SGK2: variants seen among roughly 807,000 people sequenced by gnomAD.
The protein encoded by SGK2 is serum/glucocorticoid regulated kinase 2, also known as serine/threonine-protein kinase Sgk2.
Under a neutral mutation model 47.5 loss-of-function variants are expected in SGK2, and 36 were observed. The ratio of observed to expected loss-of-function variants is 0.76; its 90% CI spans 0.58 to 1.00. The LOEUF (loss-of-function observed/expected upper bound fraction) is 1.00, where lower values mean the gene tolerates loss of function less well. Among genes scored for constraint, SGK2 ranks in the 50% least tolerant of loss-of-function variants. The pLI is 0.00. For synonymous variants in SGK2, 157 were observed against 181.9 expected (o/e 0.86, Z 1.10); for missense variants, 404 against 467.4 (o/e 0.86, Z 1.25).
chr20:43,584,073 T>C (rs2145563352), intron 12 of SGK2, among the ~76,000 whole-genome samples: 1 of 152,218 alleles, frequency 6.6e-6, no homozygotes, highest in Non-Finnish European at 1.5e-5. Flanking sequence ...AGCGGGACAG[T>C]TGGCAGTTGT....
In SGK2 at chr20:43,567,987, A is replaced by G. The variant is rs747095651; in HGVS notation, c.216A>G (p.Leu72=). The G allele has an allele frequency of 1.9e-6, 3 of 1,613,854 alleles. No homozygotes were observed. In the East Asian group the frequency reaches 6.7e-5, roughly 36 times the overall value. ...AGGTACTACAGAAAAAGTCCATCTT[A>G]AAGAAGAAAGAGGTACCAGAGCTCG... ...AVKVLQKKSI[L]KKKEQSHIMA... The change falls in exon 5 of 13, where the codon TTA becomes TTG. Residue 72 remains leucine, a synonymous_variant. Coordinates refer to ENST00000373100, the MANE Select transcript of SGK2 (RefSeq NM_170693.3).
At chr20:43,571,994 C>T in intron 8 of SGK2, 57 bp from the exon 9 acceptor site, 1 of 1,298,992 alleles carries the variant, frequency 7.7e-7, no homozygotes, top group South Asian at 1.3e-5. Flanking sequence ...GGGGGTTAGG[C>T]CTGGCCATAC....
At chr20:43,583,118 A>G in intron 12 of SGK2, 1 of 1,198,602 alleles carries the variant, frequency 8.3e-7, no homozygotes. Flanking sequence ...TTAATTCACC[A>G]TTTACATTTC....
Position 43,566,539 on chromosome 20 carries a change from G to A in SGK2, c.36+8G>A. ...GGGACCCCAAGTCCACAGGTGAGTG[G>A]TTCTTGGTCCCCCACCCATCATCGG... On this transcript the variant is annotated splice_region_variant and intron_variant, in intron 2 of 12. Coordinates refer to ENST00000373100, the MANE Select transcript of SGK2 (RefSeq NM_170693.3). The A allele has an allele frequency of 1.9e-6, 3 of 1,599,100 alleles. No homozygotes were observed. Among genetic ancestry groups the A allele is most frequent in the Non-Finnish European group, 2.6e-6 (3 of 1,168,402 alleles).
chr20:43,571,814 G>A (rs1980150471), intron 8 of SGK2, among the ~76,000 whole-genome samples: 1 of 152,196 alleles, frequency 6.6e-6, no homozygotes, highest in Non-Finnish European at 1.5e-5. Context: ...CTGTCGTAGG[G>A]GTGGGTCTGA....
intron 1 of SGK2, 177 bp from the exon 2 acceptor site, chr20:43,566,296 T>C: frequency 6.3e-7 from 1 of 1,579,706 alleles, no homozygotes; most frequent in Non-Finnish European, 8.7e-7. Flanking sequence ...GTCCAGGGGA[T>C]ATCATTTCTT....
Position 43,566,547 on chromosome 20 carries a change from T to C in SGK2, c.36+16T>C, listed in dbSNP as rs777821746. 24 of 1,564,410 alleles carry C rather than the reference T, an allele frequency of 1.5e-5. No individual in the cohort carries two copies. The highest frequency in any genetic ancestry group is 2.1e-5 in the Non-Finnish European group (24 of 1,139,590). On this transcript the variant is annotated intron_variant, in intron 2 of 12. Coordinates refer to ENST00000373100, the MANE Select transcript of SGK2 (RefSeq NM_170693.3). ...AAGTCCACAGGTGAGTGGTTCTTGGTCCCCCACCCATCATCGGGGGCTCAC... is the reference window on the plus strand; with the variant it reads ...AAGTCCACAGGTGAGTGGTTCTTGGCCCCCCACCCATCATCGGGGGCTCAC...
chr20:43,567,529 G>T, intron 3 of SGK2, 136 bp from the exon 4 acceptor site: 1 of 752,448 alleles, frequency 1.3e-6, no homozygotes, highest in Middle Eastern at 2.5e-4. Flanking sequence ...GGTTCTTCGG[G>T]GGTGAGGAGG....
At chr20:43,568,097 G>A (rs1979853732) in intron 5 of SGK2, 98 bp downstream of exon 5, 1 of 947,568 alleles carries the variant, frequency 1.1e-6, no homozygotes, top group Admixed American at 1.9e-5. Flanking sequence ...AGGTCCATGG[G>A]CCTGGGTGCA....
intron 9 of SGK2, among the ~76,000 whole-genome samples, chr20:43,574,216 C>T (rs779036393): frequency 3.9e-5 from 6 of 152,174 alleles, no homozygotes; most frequent in African/African-American, 7.2e-5. Flanking sequence ...GCCCCCGACT[C>T]GGTGGCAGAG....
chr20:43,579,011 CT>C (rs10523244), intron 11 of SGK2, among the ~76,000 whole-genome samples: 1,911 of 141,644 alleles, frequency 0.013, 6 homozygotes, highest in African/African-American at 0.024. Flanking sequence ...CTTTCGGAGG[CT>C]TTTTTTTTTT....
chr20:43,585,296 T>C lies in SGK2; in HGVS notation c.*280T>C, dbSNP rs557154639. 1.4e-5 allele frequency: 3 copies of C among 219,844 alleles called. No homozygotes were observed. The highest frequency in any genetic ancestry group is 1.9e-4 in the East Asian group (2 of 10,310). The allele number at this position is 219,844 out of a possible 1,614,324, so 13.6% of individuals were successfully genotyped here. ...TGGAGCTCTAGCTGCCTATTTTGTGTTTAGGGAAGGGAAAATGGAGGAAAG... is the reference window on the plus strand; with the variant it reads ...TGGAGCTCTAGCTGCCTATTTTGTGCTTAGGGAAGGGAAAATGGAGGAAAG... On this transcript the variant is annotated 3_prime_UTR_variant, in exon 13 of 13. Coordinates refer to ENST00000373100, the MANE Select transcript of SGK2 (RefSeq NM_170693.3).
rs56303221 is a variant in SGK2, at chr20:43,576,361, G to A, written c.831G>A (p.Leu277=). 5.0e-6 allele frequency: 8 copies of A among 1,614,128 alleles called. No homozygotes were observed. The highest frequency in any genetic ancestry group is 1.3e-5 in the African/African-American group (1 of 75,064). ...SLLHKDQRQR[L]GSKADFLEIK... is the part of the protein sequence containing the mutation. ...TCCACAAGGACCAGAGGCAGCGGCT[G>A]GGCTCCAAAGCAGACTTTGTAGGTG... The change falls in exon 11 of 13, where the codon CTG becomes CTA. Residue 277 remains leucine, a synonymous_variant. Transcript: ENST00000373100.
chr20:43,574,997 A>G lies in SGK2; in HGVS notation c.686A>G (p.His229Arg). 6.2e-7 allele frequency: 1 copy of G among 1,612,596 alleles called. No individual in the cohort carries two copies. Among genetic ancestry groups the G allele is most frequent in the Non-Finnish European group, 8.5e-7 (1 of 1,178,796 alleles). ...GGGGCAGTCCTCTACGAGATGCTCC[A>G]TGGCCTGGTGAGTCAGGGGTAGCCA... Reference protein sequence around the residue: ...CLGAVLYEMLHGLPPFYSQDV... With the variant: ...CLGAVLYEMLRGLPPFYSQDV... Residue 229 changes from histidine (H) to arginine (R), a missense_variant, in exon 10 of 13, where the codon CAT (histidine) becomes CGT (arginine). Coordinates refer to ENST00000373100, the MANE Select transcript of SGK2 (RefSeq NM_170693.3).
At chr20:43,559,518 G>C (rs189246484) in intron 1 of SGK2, among the ~76,000 whole-genome samples, 32 of 152,252 alleles carry the variant, frequency 2.1e-4, no homozygotes, top group Non-Finnish European at 4.0e-4. Context: ...TAACTGTCTT[G>C]ATCATGTCAC....
rs527677261 is a variant in SGK2, at chr20:43,579,258, C to T, written c.850-714C>T. ...CATGAACTCCTGACCTCAGGTGATT[C>T]ACCTGCCTTGACCTCCCAAAGTGCT... On this transcript the variant is annotated intron_variant, in intron 11 of 12. Coordinates refer to ENST00000373100, the MANE Select transcript of SGK2 (RefSeq NM_170693.3). Among the ~76,000 whole-genome samples the T allele has an allele frequency of 5.2e-3, 799 of 152,258 alleles. 3 individuals are homozygous for T. Among genetic ancestry groups the T allele is most frequent in the South Asian group, 0.011 (52 of 4,818 alleles).
At chr20:43,580,995 C>A (rs1351298373) in intron 12 of SGK2, among the ~76,000 whole-genome samples, 2 of 151,852 alleles carry the variant, frequency 1.3e-5, no homozygotes, top group Admixed American at 6.6e-5. Flanking sequence ...TCTGCCTCAG[C>A]CTCCTGAGTA....
intron 7 of SGK2, 70 bp from the exon 8 acceptor site, chr20:43,570,954 G>A (rs371693152): frequency 9.8e-5 from 158 of 1,609,126 alleles, no homozygotes; most frequent in Middle Eastern, 2.2e-4. Flanking sequence ...ACCACCCCCC[G>A]CCCAGGTCTC....
intron 11 of SGK2, among the ~76,000 whole-genome samples, 164 bp from the exon 12 acceptor site, chr20:43,579,797 ATGGGAGAGGCT>A (rs1980677410): frequency 6.6e-6 from 1 of 152,176 alleles, no homozygotes; most frequent in South Asian, 2.1e-4. Context: ...ATTCTGGATG[ATGGGAGAGGCT>A]TGGCTGCAAA....
Sources: gnomAD v4.1 joint callset for allele counts (sites outside exome capture counted in the v4.1 genomes callset) on GRCh38, gnomAD v4.1.1 for gene constraint, MANE v1.5 for transcripts, NCBI Gene and HGNC (gene_info 2026-07-23, HGNC 2026-07-21) for gene names.